ABCB1: variants seen among roughly 807,000 people sequenced by gnomAD.
ABCB1 encodes ATP-dependent translocase ABCB1.
In ABCB1, 69 loss-of-function variants were observed where a neutral mutation model predicts 142.0. The observed-to-expected ratio is 0.49, with a 90% CI of 0.40 to 0.59. The LOEUF is 0.59. Ranked by LOEUF, ABCB1 falls within the 20% of genes least tolerant of loss-of-function variation. ABCB1 has a pLI of 0.00. For missense variants in ABCB1, 1,326 were observed against 1,554.7 expected (o/e 0.85, Z 2.47); for synonymous variants, 532 against 539.2 (o/e 0.99, Z 0.18).
Position 87,690,593 on chromosome 7 carries a change from A to G in ABCB1, c.-331+22568T>C, listed in dbSNP as rs191568480. On this transcript the variant is annotated intron_variant, in intron 1 of 28. Transcript: ENST00000265724. ...TGTTAAAAGATGAAAAATGCTGTATAAAAGATAGTCTCATTGTTAGCTGAA... is the reference window on the plus strand; with the variant it reads ...TGTTAAAAGATGAAAAATGCTGTATGAAAGATAGTCTCATTGTTAGCTGAA... Among the ~76,000 whole-genome samples the G allele has an allele frequency of 3.5e-4, 53 of 152,296 alleles. 1 individual carries two copies. The East Asian group carries it at 8.7e-3, about 25-fold the overall frequency.
At chr7:87,604,922 T>C (rs1192214977), upstream of ABCB1, among the ~76,000 whole-genome samples, 1 of 152,184 alleles carries the variant, frequency 6.6e-6, no homozygotes, top group African/African-American at 2.4e-5. Flanking sequence ...TTTGTATTTA[T>C]TATTAATGTT....
intron 24 of ABCB1, among the ~76,000 whole-genome samples, 175 bp downstream of exon 24, chr7:87,516,322 ACCTTTGCTACGT>A (rs1362748888): frequency 3.3e-5 from 5 of 152,162 alleles, no homozygotes; most frequent in African/African-American, 1.2e-4. Flanking sequence ...TTTCCCTATA[ACCTTTGCTACGT>A]AAAAGTACTG....
At chr7:87,527,800 C>T (rs1815852479) in intron 21 of ABCB1, among the ~76,000 whole-genome samples, 1 of 152,074 alleles carries the variant, frequency 6.6e-6, no homozygotes, top group South Asian at 2.1e-4. Context: ...CAGGAAGTGG[C>T]TACAAAATTA....
intron 1 of ABCB1, among the ~76,000 whole-genome samples, chr7:87,665,292 A>G (rs1825114239): frequency 6.6e-6 from 1 of 152,146 alleles, no homozygotes; most frequent in South Asian, 2.1e-4. Flanking sequence ...TTTATATACT[A>G]AAAATGAACT....
chr7:87,610,871 A>C (rs1002520974), intron 1 of ABCB1, among the ~76,000 whole-genome samples: 1 of 152,184 alleles, frequency 6.6e-6, no homozygotes, highest in Non-Finnish European at 1.5e-5. Flanking sequence ...ACTTTGCGTC[A>C]GAAACCTGGA....
At position 87,613,257 on chromosome 7, in the gene ABCB1, C is replaced by CTTTTTTTTTTTTTT. The variant is rs67823385; in HGVS notation, c.-330-12193_-330-12180dup. Among the ~76,000 whole-genome samples the CTTTTTTTTTTTTTT allele has an allele frequency of 1.3e-3, 82 of 64,192 alleles. 1 individual carries two copies. The highest frequency in any genetic ancestry group is 1.9e-3 in the Admixed American group (9 of 4,756). The allele number at this position is 64,192 out of a possible 152,430, so 42.1% of individuals were successfully genotyped here. On this transcript the variant is annotated intron_variant, in intron 1 of 28. Coordinates refer to the ABCB1 transcript ENST00000265724. The stretch of plus-strand genomic sequence containing the variant: ...TTTCCAATTTGAATGTCCTTTATTT[C>CTTTTTTTTTTTTTT]TTTTTTTTTTTTTTTTTTTTTTTTG...
At chr7:87,628,807 A>T in intron 1 of ABCB1, 1 of 1,230,230 alleles carries the variant, frequency 8.1e-7, no homozygotes, top group Non-Finnish European at 1.0e-6. Context: ...CAAAAGGGGC[A>T]CGGGGGTAAG....
rs559978199 is a variant in ABCB1, at chr7:87,576,947, G to A, written c.287-6724C>T. Among the ~76,000 whole-genome samples the A allele has an allele frequency of 2.7e-4, 41 of 151,970 alleles. No individual in the cohort carries two copies. The East Asian group carries it at 7.1e-3, about 26-fold the overall frequency. On this transcript the variant is annotated intron_variant, in intron 4 of 27. Coordinates refer to ENST00000622132, the MANE Select transcript of ABCB1 (RefSeq NM_001348946.2). Reference sequence around the variant, plus strand: ...TATACCCTTTTAGTTATTTTTAAATGTGCAATAAATTGTTGTTGACTGTAG... The same window carrying A: ...TATACCCTTTTAGTTATTTTTAAATATGCAATAAATTGTTGTTGACTGTAG...
At chr7:87,526,341 C>A (rs1815782856) in intron 21 of ABCB1, among the ~76,000 whole-genome samples, 1 of 152,030 alleles carries the variant, frequency 6.6e-6, no homozygotes, top group African/African-American at 2.4e-5. Context: ...ATAGCATTAA[C>A]AATCCTTTCT....
At chr7:87,618,069 A>C (rs752363099) in intron 1 of ABCB1, among the ~76,000 whole-genome samples, 5 of 152,066 alleles carry the variant, frequency 3.3e-5, no homozygotes, top group Non-Finnish European at 7.4e-5. Flanking sequence ...TTCATACCAG[A>C]ATTCAGTCAT....
At chr7:87,642,984 T>C (rs1563096894) in intron 1 of ABCB1, among the ~76,000 whole-genome samples, 1 of 152,150 alleles carries the variant, frequency 6.6e-6, no homozygotes, top group Non-Finnish European at 1.5e-5. Flanking sequence ...CGCATGACCA[T>C]AGCCCACTGT....
intron 8 of ABCB1, among the ~76,000 whole-genome samples, chr7:87,557,837 G>A (rs1275029823): frequency 1.3e-5 from 2 of 152,066 alleles, no homozygotes; most frequent in Non-Finnish European, 2.9e-5. Flanking sequence ...TGCTAATAAT[G>A]TCCTTAAAAA....
At chr7:87,566,296 T>C in intron 6 of ABCB1, 55 bp from the exon 7 acceptor site, 1 of 1,564,382 alleles carries the variant, frequency 6.4e-7, no homozygotes, top group Admixed American at 1.7e-5. Context: ...CATCAACTTT[T>C]CTCGTGAAGC....
At chr7:87,553,317 C>CTTTT (rs941637830) in intron 9 of ABCB1, among the ~76,000 whole-genome samples, 70 of 112,648 alleles carry the variant, frequency 6.2e-4, no homozygotes, top group Non-Finnish European at 7.5e-4. Context: ...TTTTTTTCCA[C>CTTTT]TTTTTTTTTT....
At chr7:87,592,292 C>T (rs1584908013) in intron 3 of ABCB1, among the ~76,000 whole-genome samples, 1 of 152,016 alleles carries the variant, frequency 6.6e-6, no homozygotes, top group Non-Finnish European at 1.5e-5. Flanking sequence ...AGATAGGAGC[C>T]AAAGTATGAA....
intron 1 of ABCB1, among the ~76,000 whole-genome samples, chr7:87,630,035 A>G (rs1198909901): frequency 1.3e-5 from 2 of 152,162 alleles, no homozygotes; most frequent in African/African-American, 4.8e-5. Flanking sequence ...AAAAATTGAA[A>G]CCCTAAGCAT....
chr7:87,548,574 A>G (rs1816907732), intron 14 of ABCB1, among the ~76,000 whole-genome samples: 1 of 152,166 alleles, frequency 6.6e-6, no homozygotes, highest in South Asian at 2.1e-4. Context: ...TTTATTAGAG[A>G]CAGGGAGAGT....
intron 4 of ABCB1, among the ~76,000 whole-genome samples, chr7:87,585,129 G>A (rs1032917782): frequency 3.9e-5 from 6 of 152,086 alleles, no homozygotes; most frequent in South Asian, 2.1e-4. Flanking sequence ...AGTTTCTAGG[G>A]CTAAAAACTT....
intron 4 of ABCB1, among the ~76,000 whole-genome samples, chr7:87,583,351 A>G (rs1444447803): frequency 6.6e-6 from 1 of 152,210 alleles, no homozygotes; most frequent in African/African-American, 2.4e-5. Context: ...TGAGCCAGGC[A>G]GTCCAACTCC....
Sources: gnomAD v4.1 joint callset for allele counts (sites outside exome capture counted in the v4.1 genomes callset) on GRCh38, gnomAD v4.1.1 for gene constraint, MANE v1.5 for transcripts, NCBI Gene and HGNC (gene_info 2026-07-23, HGNC 2026-07-21) for gene names.